VAT1L: variants seen among roughly 807,000 people sequenced by gnomAD.
VAT1L encodes the protein putative NADPH-dependent quinone oxidoreductase VAT1L.
In VAT1L, 34 loss-of-function variants were observed where a neutral mutation model predicts 44.1. That is an observed-to-expected ratio of 0.77 (90% CI 0.59 to 1.03). VAT1L has a LOEUF of 1.03. VAT1L is among the 50% of genes least tolerant of loss of function. The pLI is 0.00. For synonymous variants in VAT1L, 253 were observed against 202.2 expected (o/e 1.25, Z -2.13); for missense variants, 615 against 538.8 (o/e 1.14, Z -1.40).
intron 7 of VAT1L, among the ~76,000 whole-genome samples, chr16:77,942,134 AAG>A (rs1201915733): frequency 6.6e-6 from 1 of 152,200 alleles, no homozygotes; most frequent in African/African-American, 2.4e-5. Flanking sequence ...ACAAAGAAAA[AAG>A]AAGTTTAATG....
intron 3 of VAT1L, among the ~76,000 whole-genome samples, chr16:77,858,864 G>C (rs1038389124): frequency 6.6e-6 from 1 of 152,064 alleles, no homozygotes; most frequent in African/African-American, 2.4e-5. Flanking sequence ...GGCTGGGCTT[G>C]GTGGCTCACA....
intron 7 of VAT1L, among the ~76,000 whole-genome samples, chr16:77,966,216 T>C (rs1340609214): frequency 6.6e-6 from 1 of 152,222 alleles, no homozygotes; most frequent in Non-Finnish European, 1.5e-5. Context: ...ATATTTATTT[T>C]AGATGGCACT....
intron 1 of VAT1L, among the ~76,000 whole-genome samples, chr16:77,804,999 T>C (rs10163339): frequency 0.22 from 33,168 of 151,956 alleles, 4,108 homozygotes; most frequent in African/African-American, 0.33. Context: ...CTTAAAATAG[T>C]GGTTAGAGAG....
At chr16:77,957,047 T>C (rs1005878009) in intron 7 of VAT1L, among the ~76,000 whole-genome samples, 1 of 152,204 alleles carries the variant, frequency 6.6e-6, no homozygotes, top group Non-Finnish European at 1.5e-5. Context: ...ATTGTGGATT[T>C]TGCCATTGAA....
intron 7 of VAT1L, among the ~76,000 whole-genome samples, chr16:77,971,502 A>G (rs922977502): frequency 2.0e-5 from 3 of 152,172 alleles, no homozygotes; most frequent in African/African-American, 7.2e-5. Flanking sequence ...AAATATCTCT[A>G]TTGGTCAAAA....
chr16:77,889,677 T>G (rs1340831789), intron 7 of VAT1L, among the ~76,000 whole-genome samples: 1 of 152,214 alleles, frequency 6.6e-6, no homozygotes, highest in Non-Finnish European at 1.5e-5. Flanking sequence ...AGTTTATAAT[T>G]TAATGTCTGA....
intron 3 of VAT1L, among the ~76,000 whole-genome samples, chr16:77,858,351 C>T (rs1278180149): frequency 6.6e-6 from 1 of 152,060 alleles, no homozygotes; most frequent in African/African-American, 2.4e-5. Flanking sequence ...GGGAAACTGG[C>T]GTTGATGCTA....
intron 7 of VAT1L, among the ~76,000 whole-genome samples, chr16:77,924,874 G>C (rs2017649408): frequency 1.3e-5 from 2 of 152,082 alleles, no homozygotes; most frequent in African/African-American, 2.4e-5. Context: ...CCTAAGCCCT[G>C]GGTAGAGAGA....
intron 7 of VAT1L, among the ~76,000 whole-genome samples, chr16:77,949,933 T>C (rs748162520): frequency 2.6e-5 from 4 of 152,216 alleles, no homozygotes; most frequent in Admixed American, 6.5e-5. Context: ...TATTTTGGTG[T>C]TACTTACACA....
At chr16:77,975,717 T>G (rs1384469740) in intron 8 of VAT1L, among the ~76,000 whole-genome samples, 1 of 152,188 alleles carries the variant, frequency 6.6e-6, no homozygotes, top group Non-Finnish European at 1.5e-5. Flanking sequence ...CTCCTCTTAA[T>G]GAGGCTGGAC....
chr16:77,902,971 T>TG (rs1491099878), intron 7 of VAT1L, among the ~76,000 whole-genome samples: 9 of 65,434 alleles, frequency 1.4e-4, no homozygotes, highest in South Asian at 4.9e-4. Context: ...AGACTCTGTC[T>TG]GAAAAAAAAA....
chr16:77,916,263 G>C (rs1329745444), intron 7 of VAT1L, among the ~76,000 whole-genome samples: 1 of 152,172 alleles, frequency 6.6e-6, no homozygotes, highest in Non-Finnish European at 1.5e-5. Context: ...GAGCAAAGAA[G>C]TGTCCTTGGA....
chr16:77,797,365 C>T (rs1344619743), intron 1 of VAT1L, among the ~76,000 whole-genome samples: 1 of 152,172 alleles, frequency 6.6e-6, no homozygotes, highest in African/African-American at 2.4e-5. Context: ...CCTGCCTCAG[C>T]CTCCCAAAGT....
chr16:77,893,332 A>G (rs897067002), intron 7 of VAT1L, among the ~76,000 whole-genome samples: 2 of 152,208 alleles, frequency 1.3e-5, no homozygotes, highest in Non-Finnish European at 2.9e-5. Context: ...AATCAGAAAT[A>G]AAGGACAAAG....
intron 3 of VAT1L, among the ~76,000 whole-genome samples, chr16:77,831,419 G>A (rs566201050): frequency 6.6e-6 from 1 of 152,094 alleles, no homozygotes; most frequent in Admixed American, 6.5e-5. Flanking sequence ...ATTACTCCTG[G>A]CCAAATATTT....
chr16:77,906,809 G>C (rs577052754), intron 7 of VAT1L, among the ~76,000 whole-genome samples: 3 of 152,316 alleles, frequency 2.0e-5, no homozygotes, highest in South Asian at 2.1e-4. Context: ...CAGAGCTAAA[G>C]GCAGGGCCCA....
intron 7 of VAT1L, among the ~76,000 whole-genome samples, chr16:77,936,437 T>G (rs947675757): frequency 6.6e-6 from 1 of 152,042 alleles, no homozygotes; most frequent in African/African-American, 2.4e-5. Flanking sequence ...GCACCCACCT[T>G]TATGTAAAAG....
intron 3 of VAT1L, among the ~76,000 whole-genome samples, chr16:77,838,904 T>C (rs1231604889): frequency 6.6e-6 from 1 of 151,982 alleles, no homozygotes; most frequent in African/African-American, 2.4e-5. Context: ...CATCTCTTTC[T>C]TTCAGCATCT....
At chr16:77,956,464 G>A (rs867596855) in intron 7 of VAT1L, among the ~76,000 whole-genome samples, 23 of 152,286 alleles carry the variant, frequency 1.5e-4, no homozygotes, top group Middle Eastern at 3.4e-3. Context: ...ACAGCACCTG[G>A]TAAGCACTTG....
Sources: gnomAD v4.1 joint callset for allele counts (sites outside exome capture counted in the v4.1 genomes callset) on GRCh38, gnomAD v4.1.1 for gene constraint, MANE v1.5 for transcripts, NCBI Gene and HGNC (gene_info 2026-07-23, HGNC 2026-07-21) for gene names.